Variants in PIEZO1 observed in about 807,000 individuals in gnomAD.
PIEZO1 encodes piezo-type mechanosensitive ion channel component 1.
In PIEZO1, 296 loss-of-function variants were observed where a neutral mutation model predicts 297.2. The observed-to-expected ratio is 1.00, with a 90% CI of 0.91 to 1.10. The LOEUF is 1.10. PIEZO1 is among the 50% of genes least tolerant of loss of function. The probability of loss-of-function intolerance (pLI) is 0.00; values close to 1 mark genes in which losing one functional copy is unlikely to be tolerated. For synonymous variants in PIEZO1, 2,427 were observed against 1,507.5 expected, an observed-to-expected ratio of 1.61 and a Z score of -14.13; for missense variants, 5,018 against 3,455.5, an observed-to-expected ratio of 1.45 and a Z score of -11.34.
chr16:88,749,566 C>G (rs1906277207), intron 1 of PIEZO1, 87 bp from the exon 2 acceptor site: 1 of 1,027,222 alleles, frequency 9.7e-7, no homozygotes, highest in East Asian at 2.9e-5. Context: ...CCCAGCTCGT[C>G]ACACCGCCGA....
rs920766450 is a variant in PIEZO1, at chr16:88,715,917, C to CA, written c.7316+15_7316+16insT. 1 of 1,547,068 alleles carries CA rather than the reference C, an allele frequency of 6.5e-7. No homozygotes were observed. Among genetic ancestry groups the CA allele is most frequent in the African/African-American group, 1.4e-5 (1 of 73,102 alleles). ...GCCCCCCGAGCTGCGGGGTGCCCCC[C>CA]CAGCCACTCACTCACCCGTAGCCAG... On this transcript the variant is annotated intron_variant, in intron 50 of 50. Coordinates refer to ENST00000301015, the MANE Select transcript of PIEZO1 (RefSeq NM_001142864.4).
intron 1 of PIEZO1, among the ~76,000 whole-genome samples, chr16:88,778,153 G>A (rs1467817182): frequency 6.6e-6 from 1 of 152,244 alleles, no homozygotes; most frequent in Non-Finnish European, 1.5e-5. Flanking sequence ...CCTGCCTGAT[G>A]CCGCTCCCGG....
Position 88,734,963 on chromosome 16 carries a change from A to G in PIEZO1, c.1760T>C (p.Met587Thr), listed in dbSNP as rs1905106070. 6.4e-7 allele frequency: 1 copy of G among 1,550,502 alleles called. No homozygotes were observed. ...GCCGGCGAAGCTGACCACGATGAAC[A>G]TGCCAGCACACACATAGATCCAGTA... ...AKYWIYVCAGMFIVVSFAGRL... is the reference protein window; with the variant it reads ...AKYWIYVCAGTFIVVSFAGRL... The change falls in exon 14 of 51, where the codon ATG (methionine) becomes ACG (threonine). Residue 587 changes from methionine (M) to threonine (T), a missense_variant. Met to Thr is a moderately conservative substitution (Grantham distance 81). Transcript: ENST00000301015.
Position 88,733,942 on chromosome 16 carries a change from C to G in PIEZO1, c.2293G>C (p.Val765Leu). 6.5e-7 allele frequency: 1 copy of G among 1,542,680 alleles called. No individual in the cohort carries two copies. Among genetic ancestry groups the G allele is most frequent in the African/African-American group, 1.4e-5 (1 of 73,006 alleles). ...EEDSRDEGLG[V>L]ATPHQATQVP... ...TGCGTGGCCTGGTGGGGAGTGGCCA[C>G]GCCCAGCCCCTCGTCCCTGGAGTCC... The change falls in exon 17 of 51, where the codon GTG becomes CTG. Residue 765 changes from valine to leucine, a missense_variant. Transcript: ENST00000301015.
Position 88,734,059 on chromosome 16 carries a change from G to C in PIEZO1, c.2181-5C>G. ...GTCCCACTCACTGCATCCTGCCTGGGAGAGGGTCCGAAAATGTCATCTCCC... is the reference window on the plus strand; with the variant it reads ...GTCCCACTCACTGCATCCTGCCTGGCAGAGGGTCCGAAAATGTCATCTCCC... On this transcript the variant is annotated splice_polypyrimidine_tract_variant and splice_region_variant and intron_variant, in intron 16 of 50. Coordinates refer to ENST00000301015, the MANE Select transcript of PIEZO1 (RefSeq NM_001142864.4). 3.3e-6 allele frequency: 5 copies of C among 1,500,796 alleles called. No individual in the cohort carries two copies. The highest frequency in any genetic ancestry group is 2.5e-5 in the South Asian group (2 of 78,972). 93.0% of individuals were successfully genotyped at this position (1,500,796 alleles called of 1,614,324 possible). A position where few individuals can be genotyped will look rare whatever the true frequency, so the allele number is the denominator to read the frequency against.
intron 22 of PIEZO1, among the ~76,000 whole-genome samples, chr16:88,728,351 C>G (rs1904603295): frequency 6.6e-6 from 1 of 152,242 alleles, no homozygotes; most frequent in Non-Finnish European, 1.5e-5. Context: ...AAACCCACAG[C>G]CCCATCTGCC....
In PIEZO1 at chr16:88,725,295, G is replaced by A. The variant is rs78217493; in HGVS notation, c.4162+121C>T. 62,910 of 717,876 alleles carry A rather than the reference G, an allele frequency of 0.088. 3,261 individuals carry two copies. The highest frequency in any genetic ancestry group is 0.16 in the Middle Eastern group (414 of 2,654). 44.5% of individuals were successfully genotyped at this position (717,876 alleles called of 1,614,324 possible). Reference sequence around the variant, plus strand: ...CCTGCCAGACAGAGGGTGATCATGCGGACAGGACAGGCGGGCTGGGAGCCC... The same window carrying A: ...CCTGCCAGACAGAGGGTGATCATGCAGACAGGACAGGCGGGCTGGGAGCCC... On this transcript the variant is annotated intron_variant, in intron 29 of 50. Coordinates refer to ENST00000301015, the MANE Select transcript of PIEZO1 (RefSeq NM_001142864.4).
At chr16:88,717,673 C>T in intron 44 of PIEZO1, 1 of 437,648 alleles carries the variant, frequency 2.3e-6, no homozygotes, top group Non-Finnish European at 4.6e-6. Context: ...ATACTTTGTG[C>T]TTCCAAAGAC....
intron 34 of PIEZO1, 57 bp downstream of exon 34, chr16:88,722,780 C>G: frequency 1.3e-6 from 2 of 1,530,714 alleles, no homozygotes; most frequent in East Asian, 2.5e-5. Context: ...GGCTGTTAAG[C>G]AGGCAGGGGC....
At chr16:88,725,383 G>A (rs1904348360) in intron 29 of PIEZO1, 33 bp downstream of exon 29, 2 of 1,271,084 alleles carry the variant, frequency 1.6e-6, no homozygotes, top group Non-Finnish European at 1.1e-6. Context: ...GCTGGACACG[G>A]GGCCCTGGGT....
chr16:88,770,432 G>C (rs1204012389), intron 1 of PIEZO1, among the ~76,000 whole-genome samples: 1 of 152,228 alleles, frequency 6.6e-6, no homozygotes, highest in Non-Finnish European at 1.5e-5. Flanking sequence ...GGGAGCGGCT[G>C]CCTGGCCAGG....
chr16:88,743,146 C>G, intron 2 of PIEZO1: 1 of 455,968 alleles, frequency 2.2e-6, no homozygotes. Context: ...TGTGGCCCCA[C>G]TGGACTCAGC....
At position 88,726,407 on chromosome 16, in the gene PIEZO1, T is replaced by G. The variant is rs1431295144; in HGVS notation, c.3845A>C (p.Glu1282Ala). The part of the protein sequence containing the change: ...RDQDCLLPVE[E>A]AGIIWDSVCF... ...GACGCTGTCCCAGATGATGCCAGCC[T>G]CCTCCACAGGCAGCAGGCAGTCCTG... The change falls in exon 27 of 51, where the codon GAG (glutamate) becomes GCG (alanine). Residue 1282 changes from glutamate (E) to alanine (A), a missense_variant. Glu to Ala is a moderately radical substitution (Grantham distance 107). Coordinates refer to ENST00000301015, the MANE Select transcript of PIEZO1 (RefSeq NM_001142864.4). 4 of 1,550,380 alleles carry G rather than the reference T, an allele frequency of 2.6e-6. No individual in the cohort carries two copies. Among genetic ancestry groups the G allele is most frequent in the South Asian group, 1.2e-5 (1 of 84,072 alleles).
chr16:88,736,695 T>C lies in PIEZO1; in HGVS notation c.1240A>G (p.Ser414Gly). The change falls in exon 11 of 51, where the codon AGC becomes GGC. Residue 414 changes from serine to glycine, a missense_variant. Coordinates refer to ENST00000301015, the MANE Select transcript of PIEZO1 (RefSeq NM_001142864.4). ...AEPREASPLH[S>G]LGHLIMDQSY... ...TGGTCCATGATGAGGTGGCCCAGGC[T>C]GTGGAGCGGAGACGCCTCCCTGGGC... 1 of 1,532,804 alleles carries C rather than the reference T, an allele frequency of 6.5e-7. No individual in the cohort carries two copies. The highest frequency in any genetic ancestry group is 8.7e-7 in the Non-Finnish European group (1 of 1,145,570). The allele number at this position is 1,532,804 out of a possible 1,614,324, so 95.0% of individuals were successfully genotyped here.
intron 2 of PIEZO1, among the ~76,000 whole-genome samples, chr16:88,749,077 A>C (rs1311188134): frequency 6.6e-6 from 1 of 151,810 alleles, no homozygotes; most frequent in Non-Finnish European, 1.5e-5. Context: ...CTCTACTAAA[A>C]ATACAAAAAA....
intron 1 of PIEZO1, among the ~76,000 whole-genome samples, chr16:88,764,712 C>G (rs1330239524): frequency 6.7e-6 from 1 of 149,772 alleles, no homozygotes; most frequent in African/African-American, 2.5e-5. Flanking sequence ...GATCGCACCA[C>G]TGCACTCCAG....
chr16:88,753,315 C>T (rs1184971594), intron 1 of PIEZO1, among the ~76,000 whole-genome samples: 9 of 112,670 alleles, frequency 8.0e-5, no homozygotes, highest in African/African-American at 2.8e-4. Context: ...AGCACACCTC[C>T]CGCCCCCGGA....
At chr16:88,725,270 C>G in intron 29 of PIEZO1, 146 bp downstream of exon 29, 1 of 687,234 alleles carries the variant, frequency 1.5e-6, no homozygotes, top group South Asian at 2.1e-5. Flanking sequence ...GGCCATGGGG[C>G]CTGCCAGACA....
At position 88,735,069 on chromosome 16, in the gene PIEZO1, G is replaced by GGGGCAGGCGATGGCATCAGGGC; in HGVS notation, c.1670-38_1670-17dup. The stretch of plus-strand genomic sequence containing the variant: ...CGCGTGGGCTCTGTGGGCCAAGCCA[G>GGGGCAGGCGATGGCATCAGGGC]GGGCAGGCGATGGCATCAGGGCGGG... On this transcript the variant is annotated splice_polypyrimidine_tract_variant and intron_variant, in intron 13 of 50. Coordinates refer to ENST00000301015, the MANE Select transcript of PIEZO1 (RefSeq NM_001142864.4). 2 of 1,550,190 alleles carry GGGGCAGGCGATGGCATCAGGGC rather than the reference G, an allele frequency of 1.3e-6. No homozygotes were observed. Among genetic ancestry groups the GGGGCAGGCGATGGCATCAGGGC allele is most frequent in the Non-Finnish European group, 1.7e-6 (2 of 1,146,804 alleles).
Sources: allele counts gnomAD v4.1 joint callset (sites outside exome capture counted in the v4.1 genomes callset), GRCh38; gene constraint gnomAD v4.1.1; transcripts MANE v1.5; gene names NCBI Gene and HGNC (gene_info 2026-07-23, HGNC 2026-07-21).